The following CD1D variants were observed in gnomAD, a reference collection of about 807,000 sequenced individuals.
CD1D encodes CD1d molecule.
A neutral mutation model predicts 42.1 loss-of-function variants in CD1D; 40 were observed. The observed-to-expected ratio is 0.95, with a 90% CI of 0.74 to 1.24. CD1D has a LOEUF of 1.24. Among genes scored for constraint, CD1D ranks in the 50% most tolerant of loss-of-function variants. The pLI is 0.00. For synonymous variants in CD1D, 178 were observed against 171.8 expected, an observed-to-expected ratio of 1.04 and a Z score of -0.28; for missense variants, 437 against 416.5, an observed-to-expected ratio of 1.05 and a Z score of -0.43.
Position 158,182,945 on chromosome 1 carries a change from T to C in CD1D, c.675T>C (p.His225=), listed in dbSNP as rs141805163. Residue 225 remains histidine (H), a synonymous_variant, in exon 4 of 6, where the codon CAT becomes CAC. Coordinates refer to ENST00000674085, the MANE Select transcript of CD1D (RefSeq NM_001371762.2). ...CTGGCCGTCTGCTGCTGGTGTGCCATGTCTCAGGATTCTACCCAAAGCCTG... is the reference window on the plus strand; with the variant it reads ...CTGGCCGTCTGCTGCTGGTGTGCCACGTCTCAGGATTCTACCCAAAGCCTG... ...PGPGRLLLVC[H]VSGFYPKPVW... 35 of 1,614,058 alleles carry C rather than the reference T, an allele frequency of 2.2e-5. No homozygotes were observed. Among genetic ancestry groups the C allele is most frequent in the Non-Finnish European group, 2.7e-5 (32 of 1,180,028 alleles).
At chr1:158,181,378 T>C in intron 1 of CD1D, 77 bp from the exon 2 acceptor site, 1 of 1,571,958 alleles carries the variant, frequency 6.4e-7, no homozygotes, top group East Asian at 2.3e-5. Context: ...TCTCCTCTTG[T>C]TTCTTTCTTC....
chr1:158,184,458 C>T lies in CD1D; in HGVS notation c.*308C>T. On this transcript the variant is annotated 3_prime_UTR_variant, in exon 6 of 6. Coordinates refer to ENST00000674085, the MANE Select transcript of CD1D (RefSeq NM_001371762.2). ...CCTACCAGGGACAAGCAGGTAAGAG[C>T]TGATGTGAGTGTGTGTGATGGGATC... The T allele has an allele frequency of 2.2e-6, 1 of 456,926 alleles. No homozygotes were observed. The highest frequency in any genetic ancestry group is 2.0e-5 in the African/African-American group (1 of 50,818). 28.3% of individuals were successfully genotyped at this position (456,926 alleles called of 1,614,324 possible).
chr1:158,183,732 A>G (rs754970805), intron 4 of CD1D, among the ~76,000 whole-genome samples: 1 of 152,218 alleles, frequency 6.6e-6, no homozygotes, highest in African/African-American at 2.4e-5. Flanking sequence ...TACACTAGCA[A>G]ATGTCAAAGT....
intron 4 of CD1D, 42 bp from the exon 5 acceptor site, chr1:158,183,894 G>A: frequency 3.4e-6 from 5 of 1,461,728 alleles, no homozygotes; most frequent in Non-Finnish European, 4.8e-6. Flanking sequence ...TATGTAGAGA[G>A]GGGTCCTGTG....
upstream of CD1D, among the ~76,000 whole-genome samples, chr1:158,179,375 T>C (rs1160784719): frequency 6.6e-6 from 1 of 152,194 alleles, no homozygotes; most frequent in Admixed American, 6.5e-5. Context: ...TAGAGTGTGG[T>C]GCAGTAGCCT....
At position 158,181,033 on chromosome 1, in the gene CD1D, G is replaced by C. The variant is rs1648368440; in HGVS notation, c.-69G>C. 7.3e-6 allele frequency: 10 copies of C among 1,363,178 alleles called. No homozygotes were observed. Among genetic ancestry groups the C allele is most frequent in the South Asian group, 1.4e-5 (1 of 72,068 alleles). 84.4% of individuals were successfully genotyped at this position (1,363,178 alleles called of 1,614,324 possible). A position where few individuals can be genotyped will look rare whatever the true frequency, so the allele number is the denominator to read the frequency against. Reference sequence around the variant, plus strand: ...GGAAAGGGACGTGAGCTGAGCGGCGGGGGAGAAGAGTGCGCAGGTCAGAGG... The same window carrying C: ...GGAAAGGGACGTGAGCTGAGCGGCGCGGGAGAAGAGTGCGCAGGTCAGAGG... On this transcript the variant is annotated 5_prime_UTR_variant, in exon 1 of 6. Coordinates refer to ENST00000674085, the MANE Select transcript of CD1D (RefSeq NM_001371762.2).
chr1:158,183,863 C>A, intron 4 of CD1D, 73 bp from the exon 5 acceptor site: 2 of 1,173,856 alleles, frequency 1.7e-6, no homozygotes, highest in Non-Finnish European at 2.6e-6. Context: ...CTCACACATG[C>A]CTAGACCAGG....
At chr1:158,184,084 G>A in intron 5 of CD1D, 45 bp from the exon 6 acceptor site, 1 of 1,613,724 alleles carries the variant, frequency 6.2e-7, no homozygotes, top group African/African-American at 1.3e-5. Context: ...TTCATTCCTG[G>A]CTTCCCTTTT....
In CD1D at chr1:158,184,733, T is replaced by C. The variant is rs1400401050; in HGVS notation, c.*583T>C. 6.6e-6 allele frequency: 1 copy of C among 152,364 alleles called. No homozygotes were observed. Among genetic ancestry groups the C allele is most frequent in the African/African-American group, 2.4e-5 (1 of 41,458 alleles). The allele number at this position is 152,364 out of a possible 1,614,324, so 9.4% of individuals were successfully genotyped here. A position where few individuals can be genotyped will look rare whatever the true frequency, so the allele number is the denominator to read the frequency against. On this transcript the variant is annotated 3_prime_UTR_variant, in exon 6 of 6. Coordinates refer to ENST00000674085, the MANE Select transcript of CD1D (RefSeq NM_001371762.2). Reference sequence around the variant, plus strand: ...AGTTTGTGTGTCTTTTATAAAAAGTTTGCCCTGGATGTCATATTGGCAGTT... The same window carrying C: ...AGTTTGTGTGTCTTTTATAAAAAGTCTGCCCTGGATGTCATATTGGCAGTT...
At position 158,182,864 on chromosome 1, in the gene CD1D, CTTG is replaced by C. The variant is rs751598600; in HGVS notation, c.608-10_608-8del. On this transcript the variant is annotated splice_polypyrimidine_tract_variant and intron_variant, in intron 3 of 5. Coordinates refer to ENST00000674085, the MANE Select transcript of CD1D (RefSeq NM_001371762.2). ...TTCACTTTAAGATCCCCCCCATTCC[CTTG>C]TTGGATACAGTGAAGCCCAAGGCCT... The C allele has an allele frequency of 6.3e-7, 1 of 1,591,128 alleles. No individual in the cohort carries two copies. The highest frequency in any genetic ancestry group is 1.3e-5 in the African/African-American group (1 of 74,618).
Position 158,181,031 on chromosome 1 carries a change from C to A in CD1D, c.-71C>A, listed in dbSNP as rs534811459. ...GCGGAAAGGGACGTGAGCTGAGCGGCGGGGGAGAAGAGTGCGCAGGTCAGA... is the reference window on the plus strand; with the variant it reads ...GCGGAAAGGGACGTGAGCTGAGCGGAGGGGGAGAAGAGTGCGCAGGTCAGA... On this transcript the variant is annotated 5_prime_UTR_variant, in exon 1 of 6. Transcript: ENST00000674085. 5 of 1,334,422 alleles carry A rather than the reference C, an allele frequency of 3.7e-6. No homozygotes were observed. The African/African-American group carries it at 7.4e-5, about 20-fold the overall frequency. The allele number at this position is 1,334,422 out of a possible 1,614,324, so 82.7% of individuals were successfully genotyped here.
chr1:158,181,218 G>C lies in CD1D; in HGVS notation c.61+56G>C. 1.3e-5 allele frequency: 20 copies of C among 1,530,862 alleles called. 1 individual carries two copies. Among genetic ancestry groups the C allele is most frequent in the South Asian group, 2.4e-5 (2 of 82,936 alleles). 94.8% of individuals were successfully genotyped at this position (1,530,862 alleles called of 1,614,324 possible). A position where few individuals can be genotyped will look rare whatever the true frequency, so the allele number is the denominator to read the frequency against. On this transcript the variant is annotated intron_variant, in intron 1 of 5. Coordinates refer to ENST00000674085, the MANE Select transcript of CD1D (RefSeq NM_001371762.2). Reference sequence around the variant, plus strand: ...CGCGGGAGGGCGGAGAGAGGGAGCTGGGTAGGGACGGGGAGGGCAACGCCT... The same window carrying C: ...CGCGGGAGGGCGGAGAGAGGGAGCTCGGTAGGGACGGGGAGGGCAACGCCT...
rs1275164336 is a variant in CD1D at position 158,185,032 on chromosome 1, A to T, written c.*882A>T. On this transcript the variant is annotated 3_prime_UTR_variant, in exon 6 of 6. Transcript: ENST00000674085. Reference sequence around the variant, plus strand: ...CCAAAACGACAACGGCAACAACAACAGTCTCCTTTACTTACAGCTATTAAA... The same window carrying T: ...CCAAAACGACAACGGCAACAACAACTGTCTCCTTTACTTACAGCTATTAAA... 6.6e-6 allele frequency: 1 copy of T among 152,210 alleles called. No homozygotes were observed. Among genetic ancestry groups the T allele is most frequent in the Non-Finnish European group, 1.5e-5 (1 of 68,022 alleles). The allele number at this position is 152,210 out of a possible 1,614,324, so 9.4% of individuals were successfully genotyped here. A position where few individuals can be genotyped will look rare whatever the true frequency, so the allele number is the denominator to read the frequency against.
chr1:158,183,069 C>A lies in CD1D; in HGVS notation c.799C>A (p.Leu267Met). Residue 267 changes from leucine (L) to methionine (M), a missense_variant, in exon 4 of 6, where the codon CTG becomes ATG. Transcript: ENST00000674085. The stretch of plus-strand genomic sequence containing the variant: ...CGAGACATGGTATCTCCGAGCAACC[C>A]TGGATGTGGTGGCTGGGGAGGCAGC... ...ADETWYLRAT[L>M]DVVAGEAAGL... 6.2e-7 allele frequency: 1 copy of A among 1,614,158 alleles called. No individual in the cohort carries two copies.
chr1:158,180,834 C>G (rs546591326), upstream of CD1D: 1 of 397,832 alleles, frequency 2.5e-6, no homozygotes, highest in African/African-American at 2.1e-5. Flanking sequence ...TGAGACACGC[C>G]GGTTGTGAAA....
Position 158,181,510 on chromosome 1 carries a change from C to G in CD1D, c.117C>G (p.Ser39Arg). 1 of 1,614,140 alleles carries G rather than the reference C, an allele frequency of 6.2e-7. No individual in the cohort carries two copies. ...TCCAGATCTCGTCCTTCGCCAATAG[C>G]AGCTGGACGCGCACCGACGGCTTGG... Reference protein sequence around the residue: ...RCLQISSFANSSWTRTDGLAW... With the variant: ...RCLQISSFANRSWTRTDGLAW... Residue 39 changes from serine to arginine, a missense_variant, in exon 2 of 6, where the codon AGC (serine) becomes AGG (arginine). By Grantham distance (110) the Ser-to-Arg change is moderately radical (BLOSUM62 -1). Coordinates refer to ENST00000674085, the MANE Select transcript of CD1D (RefSeq NM_001371762.2).
rs970027663 is a variant in CD1D at position 158,185,296 on chromosome 1, A to T, written c.*1146A>T. On this transcript the variant is annotated 3_prime_UTR_variant, in exon 6 of 6. Transcript: ENST00000674085. ...TGAACACCCAGAAAAAATAAGTGAG[A>T]CTTAACGGTTGGAGAGTGTTTGCTT... Among the ~76,000 whole-genome samples, 6 of 152,286 alleles carry T rather than the reference A, an allele frequency of 3.9e-5. No homozygotes were observed. The highest frequency in any genetic ancestry group is 1.2e-4 in the African/African-American group (5 of 41,562).
At chr1:158,182,849 G>T in intron 3 of CD1D, 29 bp from the exon 4 acceptor site, 2 of 1,567,890 alleles carry the variant, frequency 1.3e-6, no homozygotes, top group Non-Finnish European at 1.7e-6. Context: ...TTCACTTTAA[G>T]ATCCCCCCCA....
chr1:158,182,306 G>T lies in CD1D; in HGVS notation c.603G>T (p.Lys201Asn). The stretch of plus-strand genomic sequence containing the variant: ...AGTCAGGGAAGTCGGAACTGAAGAA[G>T]CAAGGTCAGCCTGCCTTCCTTACTC... ...LLESGKSELK[K>N]QVKPKAWLSR... The change falls in exon 3 of 6, where the codon AAG becomes AAT. Residue 201 changes from lysine to asparagine, a missense_variant. Coordinates refer to ENST00000674085, the MANE Select transcript of CD1D (RefSeq NM_001371762.2). 1 of 1,614,124 alleles carries T rather than the reference G, an allele frequency of 6.2e-7. No homozygotes were observed. Among genetic ancestry groups the T allele is most frequent in the Non-Finnish European group, 8.5e-7 (1 of 1,180,020 alleles).
Sources: allele counts gnomAD v4.1 joint callset (sites outside exome capture counted in the v4.1 genomes callset), GRCh38; gene constraint gnomAD v4.1.1; transcripts MANE v1.5; gene names NCBI Gene and HGNC (gene_info 2026-07-23, HGNC 2026-07-21).